The following SMAD3 variants were observed in gnomAD, a reference collection of about 807,000 sequenced individuals.
SMAD3 encodes the protein MAD homolog 3.
In SMAD3, 12 loss-of-function variants were observed where a neutral mutation model predicts 51.8. The ratio of observed to expected loss-of-function variants is 0.23; its 90% CI spans 0.15 to 0.38. The LOEUF (loss-of-function observed/expected upper bound fraction) is 0.38, where lower values mean the gene tolerates loss of function less well. Ranked by LOEUF, SMAD3 falls within the 10% of genes least tolerant of loss-of-function variation. The pLI is 1.00. For missense variants in SMAD3, 294 were observed against 565.6 expected (o/e 0.52, Z 4.87); for synonymous variants, 238 against 227.7 (o/e 1.05, Z -0.41).
At chr15:67,127,633 G>T (rs983764249) in intron 1 of SMAD3, among the ~76,000 whole-genome samples, 1 of 152,206 alleles carries the variant, frequency 6.6e-6, no homozygotes, top group African/African-American at 2.4e-5. Context: ...TGTCTTCTGT[G>T]CCCGTCTCTG....
At chr15:67,188,438 C>T in intron 8 of SMAD3, among the ~76,000 whole-genome samples, 1 of 152,132 alleles carries the variant, frequency 6.6e-6, no homozygotes, top group East Asian at 1.9e-4. Flanking sequence ...ATGCCCGGCC[C>T]TAGATACTGG....
intron 1 of SMAD3, among the ~76,000 whole-genome samples, chr15:67,102,958 T>C (rs1405027515): frequency 6.6e-6 from 1 of 152,194 alleles, no homozygotes; most frequent in Admixed American, 6.5e-5. Context: ...GTACCTTTCT[T>C]CTTTCAAACC....
rs1281052741 is a variant in SMAD3, at chr15:67,099,486, T to C, written c.206+33126T>C. 3.3e-5 allele frequency among the ~76,000 whole-genome samples: 5 copies of C among 152,204 alleles called. No individual in the cohort carries two copies. In the East Asian group the frequency reaches 9.6e-4, roughly 29 times the overall value. Reference sequence around the variant, plus strand: ...GTAAATTTCATGTGGCAAGATTACTTGAAGAAGGGTTCCAGTGTTTTGCTA... The same window carrying C: ...GTAAATTTCATGTGGCAAGATTACTCGAAGAAGGGTTCCAGTGTTTTGCTA... On this transcript the variant is annotated intron_variant, in intron 1 of 8. Transcript: ENST00000327367.
chr15:67,103,346 A>G (rs1359812610), intron 1 of SMAD3, among the ~76,000 whole-genome samples: 1 of 152,220 alleles, frequency 6.6e-6, no homozygotes, highest in Non-Finnish European at 1.5e-5. Context: ...CGACAAGGGG[A>G]TAGCAGGACC....
chr15:67,107,656 A>G (rs1960909531), intron 1 of SMAD3, among the ~76,000 whole-genome samples: 1 of 152,026 alleles, frequency 6.6e-6, no homozygotes, highest in Non-Finnish European at 1.5e-5. Context: ...TGGTTATTGC[A>G]TGGACAGGGC....
intron 1 of SMAD3, among the ~76,000 whole-genome samples, chr15:67,080,551 A>G (rs1960259053): frequency 6.6e-6 from 1 of 152,206 alleles, no homozygotes; most frequent in Admixed American, 6.5e-5. Context: ...GGCCAAGAGC[A>G]GAGACTTCTG....
intron 1 of SMAD3, among the ~76,000 whole-genome samples, chr15:67,078,920 G>C (rs1960224788): frequency 6.6e-6 from 1 of 152,066 alleles, no homozygotes; most frequent in Admixed American, 6.6e-5. Context: ...AATCAGATTA[G>C]ATTTATTTTA....
At chr15:67,109,941 C>G (rs548537530) in intron 1 of SMAD3, among the ~76,000 whole-genome samples, 1 of 152,208 alleles carries the variant, frequency 6.6e-6, no homozygotes, top group Non-Finnish European at 1.5e-5. Flanking sequence ...CTCCCAGGCT[C>G]GTCAGCGGGG....
intron 5 of SMAD3, among the ~76,000 whole-genome samples, chr15:67,170,893 C>T (rs575471346): frequency 2.0e-4 from 31 of 152,336 alleles, no homozygotes; most frequent in African/African-American, 7.0e-4. Flanking sequence ...CCCAGGAGAA[C>T]GAGGGTCTGT....
intron 5 of SMAD3, among the ~76,000 whole-genome samples, chr15:67,177,422 G>GTTTTTTTTTTTTTTTTTTTTTTTTTT (rs68095915): frequency 3.2e-5 from 3 of 93,902 alleles, no homozygotes; most frequent in African/African-American, 1.2e-4. Context: ...AGTGTTTTGG[G>GTTTTTTTTTTTTTTTTTTTTTTTTTT]TTTTTTTTTT....
rs1307168753 is a variant in SMAD3, at chr15:67,066,356, C to G, written c.202C>G (p.Pro68Ala). The change falls in exon 1 of 9, where the codon CCC becomes GCC. Residue 68 changes from proline to alanine, a missense_variant. Around this residue, in one of 3 missense-constraint regions of SMAD3, gnomAD observed 147 missense variants for 260.9 expected, o/e 0.56. Coordinates refer to ENST00000327367, the MANE Select transcript of SMAD3 (RefSeq NM_005902.4). ...CGTCAACACCAAGTGCATCACCATC[C>G]CCAGGTGGGGGCCCGCCCGGGGGGG... is the stretch of plus-strand genomic sequence containing the variant. ...QNVNTKCITIPRSLDGRLQVS... is the reference protein window; with the variant it reads ...QNVNTKCITIARSLDGRLQVS... 1.2e-6 allele frequency: 2 copies of G among 1,612,314 alleles called. No homozygotes were observed. Among genetic ancestry groups the G allele is most frequent in the Non-Finnish European group, 1.7e-6 (2 of 1,179,292 alleles).
intron 1 of SMAD3, among the ~76,000 whole-genome samples, chr15:67,081,522 A>G (rs1960279132): frequency 6.6e-6 from 1 of 152,050 alleles, no homozygotes; most frequent in African/African-American, 2.4e-5. Context: ...GTGACTTGAA[A>G]CCCAACAAAT....
chr15:67,161,217 T>C (rs1053464371), intron 1 of SMAD3, among the ~76,000 whole-genome samples: 16 of 152,246 alleles, frequency 1.1e-4, no homozygotes, highest in Admixed American at 9.2e-4. Context: ...TGGACCTTTG[T>C]TGAAGCCAGT....
intron 8 of SMAD3, among the ~76,000 whole-genome samples, chr15:67,189,238 G>A (rs1257791429): frequency 6.6e-6 from 1 of 152,162 alleles, no homozygotes; most frequent in Non-Finnish European, 1.5e-5. Context: ...ACTGTAGTCT[G>A]GAGGGCCACA....
At chr15:67,181,005 T>TAAATAAATAAAA (rs1170449239) in intron 5 of SMAD3, among the ~76,000 whole-genome samples, 7 of 150,078 alleles carry the variant, frequency 4.7e-5, no homozygotes, top group East Asian at 1.9e-4. Context: ...AATAAATAAA[T>TAAATAAATAAAA]AAAAAGAGAA....
intron 5 of SMAD3, among the ~76,000 whole-genome samples, chr15:67,180,044 G>A (rs553217787): frequency 2.6e-5 from 4 of 152,302 alleles, no homozygotes; most frequent in African/African-American, 4.8e-5. Flanking sequence ...ATGGAAGAGC[G>A]AGAATGAGCA....
chr15:67,138,346 C>G (rs974499701), intron 1 of SMAD3: 2 of 473,344 alleles, frequency 4.2e-6, no homozygotes, highest in Non-Finnish European at 7.7e-6. Context: ...TCCCCTGAAC[C>G]CCCCCTCCCC....
intron 1 of SMAD3, among the ~76,000 whole-genome samples, chr15:67,134,690 C>T (rs866999953): frequency 3.9e-5 from 6 of 152,312 alleles, no homozygotes; most frequent in Non-Finnish European, 7.3e-5. Context: ...TTACTAAAGG[C>T]GCGACTCTGG....
chr15:67,161,637 C>T (rs764176814), intron 1 of SMAD3, among the ~76,000 whole-genome samples: 28 of 152,182 alleles, frequency 1.8e-4, no homozygotes, highest in Non-Finnish European at 3.2e-4. Flanking sequence ...TCCCACTCAC[C>T]ACTTCCCACT....
Sources: gnomAD v4.1 joint callset for allele counts (sites outside exome capture counted in the v4.1 genomes callset) on GRCh38, gnomAD v4.1.1 for gene constraint, gnomAD v4.1.1 regional missense constraint, MANE v1.5 for transcripts, NCBI Gene and HGNC (gene_info 2026-07-23, HGNC 2026-07-21) for gene names.